Variants in ADAMTS19 observed in about 807,000 individuals in gnomAD.
ADAMTS19 encodes the protein A disintegrin and metalloproteinase with thrombospondin motifs 19.
Under a neutral mutation model 153.3 loss-of-function variants are expected in ADAMTS19, and 93 were observed. That is an observed-to-expected ratio of 0.61 (90% confidence interval 0.51 to 0.72). The LOEUF (loss-of-function observed/expected upper bound fraction) is 0.72. Among genes scored for constraint, ADAMTS19 ranks in the 30% least tolerant of loss-of-function variants. The pLI is 0.00. For missense variants in ADAMTS19, 1,482 were observed against 1,552.1 expected (o/e 0.95, Z 0.76); for synonymous variants, 600 against 556.6 (o/e 1.08, Z -1.10).
chr5:129,556,172 T>C (rs1282491944), intron 7 of ADAMTS19, among the ~76,000 whole-genome samples: 2 of 152,118 alleles, frequency 1.3e-5, no homozygotes, highest in African/African-American at 4.8e-5. Context: ...GGTAGGTCAG[T>C]AGGTAGGTAT....
chr5:129,614,735 G>A (rs949063425), intron 8 of ADAMTS19, among the ~76,000 whole-genome samples: 1 of 152,060 alleles, frequency 6.6e-6, no homozygotes, highest in Non-Finnish European at 1.5e-5. Context: ...AGGAAAAGAG[G>A]AAGTCAAATT....
intron 17 of ADAMTS19, 63 bp downstream of exon 17, chr5:129,679,984 T>G: frequency 7.0e-7 from 1 of 1,433,040 alleles, no homozygotes; most frequent in Non-Finnish European, 9.4e-7. Context: ...ATATTCCCAG[T>G]GCACTTCCTC....
At chr5:129,560,452 G>A (rs186203194) in intron 7 of ADAMTS19, among the ~76,000 whole-genome samples, 75 of 152,224 alleles carry the variant, frequency 4.9e-4, no homozygotes, top group African/African-American at 1.8e-3. Flanking sequence ...GTCCCAGTGC[G>A]ATGGCTAAGG....
At position 129,491,834 on chromosome 5, in the gene ADAMTS19, T is replaced by TTAC. The variant is rs1750780744; in HGVS notation, c.748-17243_748-17242insTAC. Among the ~76,000 whole-genome samples, 3 of 152,288 alleles carry TTAC rather than the reference T, an allele frequency of 2.0e-5. No individual in the cohort carries two copies. The South Asian group carries it at 6.2e-4, about 32-fold the overall frequency. On this transcript the variant is annotated intron_variant, in intron 2 of 22. Transcript: ENST00000274487. The stretch of plus-strand genomic sequence containing the variant: ...AAAAAGCAAATTACAGAGTGATACA[T>TTAC]AGATTATGTTACTTAATTATTATTT...
chr5:129,569,870 A>C (rs1033864582), intron 7 of ADAMTS19, among the ~76,000 whole-genome samples: 1 of 152,022 alleles, frequency 6.6e-6, no homozygotes, highest in African/African-American at 2.4e-5. Context: ...AAAAGGACAG[A>C]TCTCACATCA....
intron 2 of ADAMTS19, among the ~76,000 whole-genome samples, chr5:129,493,128 A>G (rs1750820997): frequency 6.6e-6 from 1 of 152,186 alleles, no homozygotes; most frequent in Non-Finnish European, 1.5e-5. Context: ...GTGGTAAGTA[A>G]CATGGTTCTT....
At chr5:129,603,701 T>G (rs985579067) in intron 8 of ADAMTS19, among the ~76,000 whole-genome samples, 1 of 152,202 alleles carries the variant, frequency 6.6e-6, no homozygotes, top group African/African-American at 2.4e-5. Context: ...TTTATTGAAG[T>G]GCAGAATTTT....
At chr5:129,676,263 T>C (rs920034030) in intron 16 of ADAMTS19, among the ~76,000 whole-genome samples, 1 of 152,206 alleles carries the variant, frequency 6.6e-6, no homozygotes, top group Non-Finnish European at 1.5e-5. Context: ...TTCATTTTGC[T>C]GGACAGTTAA....
intron 6 of ADAMTS19, among the ~76,000 whole-genome samples, chr5:129,549,162 AACTT>A (rs1752973750): frequency 6.7e-6 from 1 of 150,140 alleles, no homozygotes; most frequent in Non-Finnish European, 1.5e-5. Context: ...TGTACCCTAA[AACTT>A]AAAGTATAAT....
At chr5:129,553,435 T>C (rs1753202920) in intron 7 of ADAMTS19, among the ~76,000 whole-genome samples, 1 of 152,188 alleles carries the variant, frequency 6.6e-6, no homozygotes, top group Non-Finnish European at 1.5e-5. Context: ...TTAAAACACA[T>C]TTGAATAATT....
chr5:129,668,271 T>C (rs1754140518), intron 16 of ADAMTS19, among the ~76,000 whole-genome samples: 1 of 152,184 alleles, frequency 6.6e-6, no homozygotes, highest in South Asian at 2.1e-4. Flanking sequence ...TAATCTCCCA[T>C]CTCAAGATCT....
intron 15 of ADAMTS19, among the ~76,000 whole-genome samples, chr5:129,664,148 G>T (rs1753934797): frequency 6.6e-6 from 1 of 152,158 alleles, no homozygotes; most frequent in Non-Finnish European, 1.5e-5. Context: ...AAGCCTTGAA[G>T]GTAGTAGCTT....
intron 21 of ADAMTS19, among the ~76,000 whole-genome samples, chr5:129,726,369 CTGTA>C (rs1230661279): frequency 1.3e-5 from 2 of 152,152 alleles, no homozygotes; most frequent in Non-Finnish European, 2.9e-5. Flanking sequence ...CTGGTAAACT[CTGTA>C]TTTCTTTCCC....
chr5:129,585,262 T>G (rs1749724194), intron 7 of ADAMTS19, among the ~76,000 whole-genome samples: 1 of 151,604 alleles, frequency 6.6e-6, no homozygotes, highest in African/African-American at 2.4e-5. Flanking sequence ...ATGAGCCGGG[T>G]AACTCAGTTG....
rs748371915 is a variant in ADAMTS19, at chr5:129,578,041, TACACACACAC to T, written c.1373-18488_1373-18479del. On this transcript the variant is annotated intron_variant, in intron 7 of 22. Coordinates refer to ENST00000274487, the MANE Select transcript of ADAMTS19 (RefSeq NM_133638.6). ...GAATTTATTGATTTTCAAACTTACA[TACACACACAC>T]ACACACACACACACACACACACACA... 1.4e-4 allele frequency among the ~76,000 whole-genome samples: 14 copies of T among 98,576 alleles called. 1 individual carries two copies. The highest frequency in any genetic ancestry group is 3.7e-4 in the South Asian group (1 of 2,736). The allele number at this position is 98,576 out of a possible 152,430, so 64.7% of individuals were successfully genotyped here. A position where few individuals can be genotyped will look rare whatever the true frequency, so the allele number is the denominator to read the frequency against.
At chr5:129,583,063 A>T (rs1357690390) in intron 7 of ADAMTS19, among the ~76,000 whole-genome samples, 1 of 151,872 alleles carries the variant, frequency 6.6e-6, no homozygotes, top group East Asian at 1.9e-4. Context: ...TCTCCCTTCC[A>T]TATTTAGTGC....
intron 11 of ADAMTS19, among the ~76,000 whole-genome samples, chr5:129,644,545 A>AC (rs1752970246): frequency 6.6e-6 from 1 of 152,210 alleles, no homozygotes; most frequent in Non-Finnish European, 1.5e-5. Flanking sequence ...GATTTTGAAC[A>AC]AAGAGGTTTA....
At chr5:129,539,008 A>G (rs970634553) in intron 6 of ADAMTS19, among the ~76,000 whole-genome samples, 2 of 152,126 alleles carry the variant, frequency 1.3e-5, no homozygotes, top group African/African-American at 4.8e-5. Flanking sequence ...GTATGTAAAG[A>G]ACATTGTTTC....
chr5:129,586,773 A>G (rs1409778683), intron 7 of ADAMTS19, among the ~76,000 whole-genome samples: 1 of 152,200 alleles, frequency 6.6e-6, no homozygotes, highest in Non-Finnish European at 1.5e-5. Flanking sequence ...CCAATCAACA[A>G]TGAATGACGG....
Sources: allele counts gnomAD v4.1 joint callset (sites outside exome capture counted in the v4.1 genomes callset), GRCh38; gene constraint gnomAD v4.1.1; transcripts MANE v1.5; gene names NCBI Gene and HGNC (gene_info 2026-07-23, HGNC 2026-07-21).